Variants in ZFAT observed in about 807,000 individuals in gnomAD.
ZFAT encodes the protein zinc finger and AT-hook domain containing, also known as zinc finger protein ZFAT.
In ZFAT, 64 loss-of-function variants were observed where a neutral mutation model predicts 117.7. The ratio of observed to expected loss-of-function variants is 0.54; its 90% CI spans 0.44 to 0.67. The LOEUF (loss-of-function observed/expected upper bound fraction) is 0.67. Among genes scored for constraint, ZFAT ranks in the 30% least tolerant of loss-of-function variants. The pLI is 0.00. For missense variants in ZFAT, 1,433 were observed against 1,584.5 expected (o/e 0.90, Z 1.62); for synonymous variants, 679 against 615.0 (o/e 1.10, Z -1.54).
At chr8:134,582,119 C>T (rs1260247560) in intron 10 of ZFAT, among the ~76,000 whole-genome samples, 4 of 152,154 alleles carry the variant, frequency 2.6e-5, no homozygotes, top group Non-Finnish European at 2.9e-5. Flanking sequence ...CCTTTCCTGC[C>T]GAAGAACTCA....
chr8:134,823,410 G>A, the ZFAT span, among the ~76,000 whole-genome samples: 1 of 152,128 alleles, frequency 6.6e-6, no homozygotes, highest in South Asian at 2.1e-4. Flanking sequence ...CATGTATTGA[G>A]TATTTTCTGT....
the ZFAT span, among the ~76,000 whole-genome samples, chr8:134,764,331 G>A: frequency 6.6e-6 from 1 of 152,202 alleles, no homozygotes; most frequent in Non-Finnish European, 1.5e-5. Context: ...TGTTTTGAAG[G>A]TTAAGTGGGA....
chr8:134,650,997 G>C (rs1407687295), intron 2 of ZFAT, among the ~76,000 whole-genome samples: 1 of 152,184 alleles, frequency 6.6e-6, no homozygotes, highest in East Asian at 1.9e-4. Flanking sequence ...ACATTCACTG[G>C]GATGGGTACA....
intron 2 of ZFAT, among the ~76,000 whole-genome samples, chr8:134,650,559 C>G (rs1190165440): frequency 6.6e-6 from 1 of 152,094 alleles, no homozygotes; most frequent in Non-Finnish European, 1.5e-5. Context: ...ACAAGCTGAT[C>G]CTAAAATTCA....
rs551647903 is a variant in ZFAT at position 134,692,531 on chromosome 8, G to A, written c.19+20314C>T. Among the ~76,000 whole-genome samples, 3 of 152,298 alleles carry A rather than the reference G, an allele frequency of 2.0e-5. No homozygotes were observed. The South Asian group carries it at 6.2e-4, about 32-fold the overall frequency. The stretch of plus-strand genomic sequence containing the variant: ...TCTGTTCATGCCCCACAAACAAAAA[G>A]AAGCGAAACTCAGTCCTTTCACTGA... On this transcript the variant is annotated intron_variant, in intron 1 of 15. Transcript: ENST00000377838.
chr8:134,610,829 G>A (rs761504410), intron 3 of ZFAT, among the ~76,000 whole-genome samples, 174 bp from the exon 4 acceptor site: 1 of 152,122 alleles, frequency 6.6e-6, no homozygotes, highest in Non-Finnish European at 1.5e-5. Flanking sequence ...TGCTTCACTC[G>A]ATTCAGTACA....
At chr8:134,580,050 C>T (rs952600525) in intron 10 of ZFAT, among the ~76,000 whole-genome samples, 1 of 151,858 alleles carries the variant, frequency 6.6e-6, no homozygotes, top group Non-Finnish European at 1.5e-5. Context: ...GACAGGATGC[C>T]GAGGCAGGGC....
chr8:134,650,768 T>C (rs185008307), intron 2 of ZFAT, among the ~76,000 whole-genome samples: 2 of 152,350 alleles, frequency 1.3e-5, no homozygotes, highest in East Asian at 1.9e-4. Context: ...TTGTACTCAA[T>C]TGATTTTTGA....
upstream of ZFAT, among the ~76,000 whole-genome samples, chr8:134,716,995 C>G (rs1450955316): frequency 6.6e-6 from 1 of 152,018 alleles, no homozygotes; most frequent in Non-Finnish European, 1.5e-5. Flanking sequence ...ATGCCAAAAC[C>G]AGGAAGGGCA....
At chr8:134,717,466 C>CTTTTTTTT (rs746460924), upstream of ZFAT, among the ~76,000 whole-genome samples, 464 of 19,352 alleles carry the variant, frequency 0.024, 186 homozygotes, top group Non-Finnish European at 0.034. Flanking sequence ...AATAACAACT[C>CTTTTTTTT]TTTTTTTTTT....
chr8:134,685,024 T>G (rs1298860249), intron 1 of ZFAT, among the ~76,000 whole-genome samples: 1 of 145,244 alleles, frequency 6.9e-6, no homozygotes, highest in Non-Finnish European at 1.5e-5. Context: ...ACCCCCACCC[T>G]CCCCTGCCCC....
At chr8:134,538,185 C>T (rs1053981819) in intron 11 of ZFAT, among the ~76,000 whole-genome samples, 1 of 152,082 alleles carries the variant, frequency 6.6e-6, no homozygotes, top group East Asian at 1.9e-4. Flanking sequence ...AGGAGGTGGA[C>T]TTGGAAGAAG....
chr8:134,511,657 T>C (rs534359129), intron 14 of ZFAT, among the ~76,000 whole-genome samples: 1 of 152,312 alleles, frequency 6.6e-6, no homozygotes, highest in Non-Finnish European at 1.5e-5. Context: ...ACCTCTGCCC[T>C]CCAGATATGT....
At chr8:134,501,892 C>T (rs977916443) in intron 15 of ZFAT, among the ~76,000 whole-genome samples, 11 of 152,148 alleles carry the variant, frequency 7.2e-5, no homozygotes, top group African/African-American at 2.7e-4. Flanking sequence ...CTTTTTGTGG[C>T]TAGGATTAGA....
rs75350710 is a variant in ZFAT, at chr8:134,595,710, T to C, written c.2475+4726A>G. Reference sequence around the variant, plus strand: ...ATGCCAAGACATCTCTGACTGTAAGTTGACATTATTTAGTTACTAATTGGA... The same window carrying C: ...ATGCCAAGACATCTCTGACTGTAAGCTGACATTATTTAGTTACTAATTGGA... On this transcript the variant is annotated intron_variant, in intron 7 of 15. Transcript: ENST00000377838. Among the ~76,000 whole-genome samples the C allele has an allele frequency of 9.6e-3, 1,464 of 152,324 alleles. 10 individuals are homozygous for C. Among genetic ancestry groups the C allele is most frequent in the Non-Finnish European group, 0.014 (983 of 68,020 alleles).
At chr8:134,484,325 C>G (rs1186756613) in intron 15 of ZFAT, among the ~76,000 whole-genome samples, 1 of 152,162 alleles carries the variant, frequency 6.6e-6, no homozygotes, top group Non-Finnish European at 1.5e-5. Flanking sequence ...AGTTTTTGTA[C>G]CAACCTATAG....
the ZFAT span, among the ~76,000 whole-genome samples, chr8:134,830,564 C>T: frequency 6.6e-6 from 1 of 152,222 alleles, no homozygotes; most frequent in Non-Finnish European, 1.5e-5. Flanking sequence ...TGAGTATATG[C>T]CGAGACTGCT....
the ZFAT span, among the ~76,000 whole-genome samples, chr8:134,774,342 C>T: frequency 3.3e-5 from 5 of 152,198 alleles, no homozygotes; most frequent in Admixed American, 1.3e-4. Context: ...AAAATGGTAT[C>T]GAGTGGCATC....
At chr8:134,752,792 C>T in the ZFAT span, among the ~76,000 whole-genome samples, 1 of 152,058 alleles carries the variant, frequency 6.6e-6, no homozygotes, top group African/African-American at 2.4e-5. Context: ...AGCCAGCATG[C>T]ATGTCTTCCG....
Sources: allele counts gnomAD v4.1 joint callset (sites outside exome capture counted in the v4.1 genomes callset), GRCh38; gene constraint gnomAD v4.1.1; transcripts MANE v1.5; gene names NCBI Gene and HGNC (gene_info 2026-07-23, HGNC 2026-07-21).